Variants in MACROD1 observed in about 807,000 individuals in gnomAD.
The protein encoded by MACROD1 is ADP-ribose glycohydrolase MACROD1.
In MACROD1, 31 loss-of-function variants were observed where a neutral mutation model predicts 41.4. The observed-to-expected ratio is 0.75, with a 90% CI of 0.56 to 1.01. The LOEUF (loss-of-function observed/expected upper bound fraction) is 1.01, where lower values mean the gene tolerates loss of function less well. Among genes scored for constraint, MACROD1 ranks in the 50% least tolerant of loss-of-function variants. The pLI is 0.00. For synonymous variants in MACROD1, 252 were observed against 203.4 expected (o/e 1.24, Z -2.03); for missense variants, 473 against 460.0 (o/e 1.03, Z -0.26).
intron 3 of MACROD1, among the ~76,000 whole-genome samples, chr11:64,136,865 A>C (rs1218084767): frequency 2.6e-5 from 4 of 152,162 alleles, no homozygotes; most frequent in African/African-American, 9.6e-5. Context: ...GGCCTCCCCA[A>C]GTCTCTGCAG....
chr11:64,105,207 C>T (rs1238371269), intron 3 of MACROD1, among the ~76,000 whole-genome samples: 1 of 152,206 alleles, frequency 6.6e-6, no homozygotes, highest in Non-Finnish European at 1.5e-5. Flanking sequence ...CGTGCCTGAG[C>T]CGGAGCTGGG....
chr11:64,026,706 C>A (rs924552491), intron 3 of MACROD1, among the ~76,000 whole-genome samples: 2 of 152,156 alleles, frequency 1.3e-5, no homozygotes, highest in East Asian at 3.9e-4. Context: ...GTACCCCACA[C>A]CCCTCCCCCA....
intron 3 of MACROD1, among the ~76,000 whole-genome samples, chr11:64,108,014 A>G (rs1944793496): frequency 6.6e-6 from 1 of 152,172 alleles, no homozygotes; most frequent in Non-Finnish European, 1.5e-5. Context: ...ACAAAAGCCC[A>G]GGGAAGTAGA....
intron 3 of MACROD1, among the ~76,000 whole-genome samples, chr11:64,037,185 C>A (rs1396176491): frequency 6.6e-6 from 1 of 152,196 alleles, no homozygotes; most frequent in Non-Finnish European, 1.5e-5. Context: ...TCACCGCGGC[C>A]CCTACGCCCT....
At chr11:64,112,437 C>T (rs984605758) in intron 3 of MACROD1, among the ~76,000 whole-genome samples, 5 of 152,178 alleles carry the variant, frequency 3.3e-5, no homozygotes, top group African/African-American at 1.2e-4. Context: ...TCTCTTGAAC[C>T]TGGGAGGCGG....
chr11:64,107,012 T>C (rs1341079044), intron 3 of MACROD1, among the ~76,000 whole-genome samples: 1 of 152,170 alleles, frequency 6.6e-6, no homozygotes, highest in Non-Finnish European at 1.5e-5. Context: ...GCCTCCCAAG[T>C]AGCTGGGATT....
chr11:64,035,340 C>G (rs552323995), intron 3 of MACROD1, among the ~76,000 whole-genome samples: 1 of 152,194 alleles, frequency 6.6e-6, no homozygotes, highest in East Asian at 1.9e-4. Context: ...GTTACTTTGG[C>G]ATGCAGAGTA....
intron 4 of MACROD1, among the ~76,000 whole-genome samples, chr11:64,009,550 C>T (rs573162914): frequency 1.3e-5 from 2 of 152,174 alleles, no homozygotes; most frequent in Non-Finnish European, 2.9e-5. Flanking sequence ...ATAGCTCCCT[C>T]AACTCAGAGA....
intron 4 of MACROD1, among the ~76,000 whole-genome samples, chr11:64,014,147 G>A (rs531722145): frequency 6.6e-6 from 1 of 152,120 alleles, no homozygotes; most frequent in African/African-American, 2.4e-5. Flanking sequence ...CGGAGGAAGG[G>A]CAGGGTGCTG....
At chr11:64,161,451 T>C (rs761767981) in intron 1 of MACROD1, among the ~76,000 whole-genome samples, 34 of 152,236 alleles carry the variant, frequency 2.2e-4, no homozygotes, top group Non-Finnish European at 4.0e-4. Flanking sequence ...GACTGCACAG[T>C]TGCATACACT....
intron 4 of MACROD1, among the ~76,000 whole-genome samples, chr11:64,014,439 T>G (rs1565194896): frequency 6.6e-6 from 1 of 152,224 alleles, no homozygotes; most frequent in Non-Finnish European, 1.5e-5. Context: ...CCCCTTTTAT[T>G]TTTCCCCCTT....
chr11:64,078,135 C>A (rs1186661482), intron 3 of MACROD1, among the ~76,000 whole-genome samples: 1 of 152,228 alleles, frequency 6.6e-6, no homozygotes, highest in East Asian at 1.9e-4. Context: ...GCACTCCTTT[C>A]CTTCCTCTCA....
chr11:64,137,071 A>C lies in MACROD1; in HGVS notation c.517+14168T>G, dbSNP rs559945124. Among the ~76,000 whole-genome samples the C allele has an allele frequency of 2.7e-4, 41 of 152,324 alleles. No homozygotes were observed. In the South Asian group the frequency reaches 7.5e-3, roughly 28 times the overall value. ...TCAGCAGGAACAAGGCTTTTCTTCA[A>C]ATCGATGGTGACACATTTTTAAACT... On this transcript the variant is annotated intron_variant, in intron 3 of 10. Coordinates refer to ENST00000255681, the MANE Select transcript of MACROD1 (RefSeq NM_014067.4).
intron 4 of MACROD1, chr11:64,009,254 A>T (rs566031108): frequency 1.3e-5 from 2 of 152,274 alleles, no homozygotes; most frequent in East Asian, 3.9e-4. Flanking sequence ...AAATGTTTTT[A>T]TTGAGCCAGT....
At chr11:64,076,465 G>T (rs1364019575) in intron 3 of MACROD1, among the ~76,000 whole-genome samples, 1 of 152,094 alleles carries the variant, frequency 6.6e-6, no homozygotes, top group Non-Finnish European at 1.5e-5. Context: ...TGGATGGACG[G>T]ACGGACGAAT....
chr11:64,151,395 C>T, intron 2 of MACROD1, 40 bp from the exon 3 acceptor site: 5 of 1,515,616 alleles, frequency 3.3e-6, no homozygotes, highest in Non-Finnish European at 4.6e-6. Context: ...AGCGAGGCTG[C>T]CCACTGCAGA....
intron 1 of MACROD1, among the ~76,000 whole-genome samples, chr11:64,157,026 CCT>C (rs368269376): frequency 1.6e-3 from 238 of 152,334 alleles, no homozygotes; most frequent in African/African-American, 5.4e-3. Flanking sequence ...CCGCCAGGCC[CCT>C]CTTTGTTCCC....
At position 64,122,006 on chromosome 11, in the gene MACROD1, A is replaced by C. The variant is rs1163191642; in HGVS notation, c.517+29233T>G. Among the ~76,000 whole-genome samples, 1 of 151,882 alleles carries C rather than the reference A, an allele frequency of 6.6e-6. No individual in the cohort carries two copies. Among genetic ancestry groups the C allele is most frequent in the Non-Finnish European group, 1.5e-5 (1 of 67,966 alleles). ...AAGGAAAGGAAAGAAAAGGCAAGGA[A>C]GGAGAGAGAGAAGGCACCAGCAGGC... On this transcript the variant is annotated intron_variant, in intron 3 of 10. Coordinates refer to ENST00000255681, the MANE Select transcript of MACROD1 (RefSeq NM_014067.4). This position sits in a 1 kb window ranked among gnomAD's most constrained non-coding sequence, Gnocchi z 4.0.
At chr11:64,140,538 T>C (rs1945397935) in intron 3 of MACROD1, among the ~76,000 whole-genome samples, 1 of 152,232 alleles carries the variant, frequency 6.6e-6, no homozygotes, top group Admixed American at 6.5e-5. Context: ...GGGCAGGTGC[T>C]GGCTGATGGG....
Sources: gnomAD v4.1 joint callset for allele counts (sites outside exome capture counted in the v4.1 genomes callset) on GRCh38, gnomAD v4.1.1 for gene constraint, Gnocchi (gnomAD v3.1) non-coding constraint, MANE v1.5 for transcripts, NCBI Gene and HGNC (gene_info 2026-07-23, HGNC 2026-07-21) for gene names.